The following RBM19 variants were observed in gnomAD, a reference collection of about 807,000 sequenced individuals.
RBM19 encodes the protein probable RNA-binding protein 19.
In RBM19, 94 loss-of-function variants were observed where a neutral mutation model predicts 116.8. The ratio of observed to expected loss-of-function variants is 0.80; its 90% CI spans 0.68 to 0.95. The LOEUF is 0.95. Ranked by LOEUF, RBM19 falls within the 40% of genes least tolerant of loss-of-function variation. RBM19 has a pLI of 0.00. For missense variants in RBM19, 1,161 were observed against 1,220.7 expected (o/e 0.95, Z 0.73); for synonymous variants, 475 against 494.1 (o/e 0.96, Z 0.51).
At chr12:113,831,395 G>A (rs922040309) in intron 23 of RBM19, among the ~76,000 whole-genome samples, 6 of 152,048 alleles carry the variant, frequency 3.9e-5, no homozygotes, top group Non-Finnish European at 5.9e-5. Flanking sequence ...AAATAAAACT[G>A]GCCACCCCCT....
chr12:113,863,691 G>T (rs1374312348), intron 21 of RBM19, among the ~76,000 whole-genome samples: 4 of 152,178 alleles, frequency 2.6e-5, no homozygotes, highest in Non-Finnish European at 5.9e-5. Flanking sequence ...CCAAGGCATT[G>T]TTGAGAAAAG....
chr12:113,902,129 T>TTA (rs554652866), intron 21 of RBM19, among the ~76,000 whole-genome samples: 308 of 152,290 alleles, frequency 2.0e-3, no homozygotes, highest in African/African-American at 7.2e-3. Context: ...TTCACTAGTT[T>TTA]TATATGCGGT....
Position 113,863,286 on chromosome 12 carries a change from G to A in RBM19, c.2559-4390C>T, listed in dbSNP as rs539589620. 1.8e-4 allele frequency among the ~76,000 whole-genome samples: 27 copies of A among 152,118 alleles called. 2 individuals carry two copies. In the South Asian group the frequency reaches 5.0e-3, roughly 28 times the overall value. The stretch of plus-strand genomic sequence containing the variant: ...GATTTCCTCTCTCCGTGCAAATTGC[G>A]TGCCCCCTGACTGGTCTTGCCCCAG... On this transcript the variant is annotated intron_variant, in intron 21 of 23. Transcript: ENST00000261741.
intron 19 of RBM19, 143 bp downstream of exon 19, chr12:113,920,468 G>C: frequency 1.3e-6 from 1 of 765,242 alleles, no homozygotes; most frequent in Non-Finnish European, 2.2e-6. Context: ...TTGGGCCACA[G>C]TCCCGTAGAG....
chr12:113,821,579 A>T (rs1874418151), downstream of RBM19, among the ~76,000 whole-genome samples: 1 of 152,100 alleles, frequency 6.6e-6, no homozygotes, highest in African/African-American at 2.4e-5. Flanking sequence ...CCACATCCAG[A>T]AGGCTGTGGT....
intron 23 of RBM19, among the ~76,000 whole-genome samples, chr12:113,841,127 C>T (rs2135712173): frequency 6.6e-6 from 1 of 152,352 alleles, no homozygotes; most frequent in South Asian, 2.1e-4. Flanking sequence ...GGCTCTGACA[C>T]TCAAGCCCGC....
chr12:113,821,906 G>C (rs1724386526), downstream of RBM19: 1 of 152,218 alleles, frequency 6.6e-6, no homozygotes, highest in African/African-American at 2.4e-5. Flanking sequence ...CCTTGCCTGG[G>C]CTCTGGGCCA....
At chr12:113,819,791 A>G (rs1431531294), downstream of RBM19, among the ~76,000 whole-genome samples, 1 of 152,168 alleles carries the variant, frequency 6.6e-6, no homozygotes, top group Non-Finnish European at 1.5e-5. Flanking sequence ...TCTTCTCCAA[A>G]GGAAGAAGAG....
intron 21 of RBM19, among the ~76,000 whole-genome samples, chr12:113,913,052 A>G (rs1882545580): frequency 6.6e-6 from 1 of 152,198 alleles, no homozygotes; most frequent in Non-Finnish European, 1.5e-5. Context: ...TGTTCAGTGG[A>G]CACTAATTCC....
intron 21 of RBM19, among the ~76,000 whole-genome samples, chr12:113,888,546 C>T (rs1880713163): frequency 2.6e-5 from 4 of 152,116 alleles, no homozygotes; most frequent in Admixed American, 6.5e-5. Context: ...TTTCAAAGCC[C>T]CTTTATGTAC....
At chr12:113,830,574 G>A in intron 23 of RBM19, among the ~76,000 whole-genome samples, 2 of 30,942 alleles carry the variant, frequency 6.5e-5, no homozygotes, top group South Asian at 4.4e-3. Context: ...GGGCTGCGGG[G>A]CGGGGGGGGG....
intron 6 of RBM19, among the ~76,000 whole-genome samples, chr12:113,956,576 CAA>C (rs10592306): frequency 0.015 from 1,022 of 66,152 alleles, 10 homozygotes; most frequent in East Asian, 0.072. Flanking sequence ...AAGACTGTCT[CAA>C]AAAAAAAAAA....
intron 21 of RBM19, among the ~76,000 whole-genome samples, chr12:113,865,320 T>C (rs1455890009): frequency 1.3e-5 from 2 of 152,196 alleles, no homozygotes; most frequent in Non-Finnish European, 2.9e-5. Context: ...AATTCTCAGC[T>C]GAAATGCCAC....
chr12:113,928,625 A>ATGTGTGTGTGTGTGTGTGTGTG (rs57242923), intron 16 of RBM19, among the ~76,000 whole-genome samples: 123 of 120,420 alleles, frequency 1.0e-3, no homozygotes, highest in African/African-American at 2.9e-3. Flanking sequence ...TTAGCAAGGG[A>ATGTGTGTGTGTGTGTGTGTGTG]TGTGTGTGTG....
chr12:113,962,446 C>T, intron 1 of RBM19, 32 bp from the exon 2 acceptor site: 1 of 1,589,984 alleles, frequency 6.3e-7, no homozygotes, highest in South Asian at 1.1e-5. Flanking sequence ...GAGAGACGAA[C>T]TGGAAAGTCC....
intron 21 of RBM19, among the ~76,000 whole-genome samples, chr12:113,878,978 T>C (rs2135784225): frequency 6.6e-6 from 1 of 152,158 alleles, no homozygotes; most frequent in South Asian, 2.1e-4. Flanking sequence ...AGGGGCTGCC[T>C]GTAGGAGGCA....
rs115837794 is a variant in RBM19, at chr12:113,870,254, C to T, written c.2559-11358G>A. ...GCTGCCTGCTGCCTGCTGATGGCCA[C>T]GCCTCCTGAAAAGGCTGGATTCAGG... On this transcript the variant is annotated intron_variant, in intron 21 of 23. Coordinates refer to ENST00000261741, the MANE Select transcript of RBM19 (RefSeq NM_016196.4). 7.2e-3 allele frequency among the ~76,000 whole-genome samples: 1,103 copies of T among 152,336 alleles called. 10 individuals are homozygous for T. The highest frequency in any genetic ancestry group is 0.021 in the African/African-American group (886 of 41,570).
intron 21 of RBM19, among the ~76,000 whole-genome samples, chr12:113,892,861 C>G (rs997447861): frequency 1.3e-5 from 2 of 152,008 alleles, no homozygotes; most frequent in African/African-American, 4.8e-5. Context: ...TATCCGTGTT[C>G]GGTGCAGGTA....
intron 21 of RBM19, among the ~76,000 whole-genome samples, chr12:113,879,953 C>G (rs911659002): frequency 6.6e-6 from 1 of 151,852 alleles, no homozygotes; most frequent in Non-Finnish European, 1.5e-5. Flanking sequence ...TTAGAAGCCC[C>G]TTCTCTGGCA....
Sources: allele counts gnomAD v4.1 joint callset (sites outside exome capture counted in the v4.1 genomes callset), GRCh38; gene constraint gnomAD v4.1.1; transcripts MANE v1.5; gene names NCBI Gene and HGNC (gene_info 2026-07-23, HGNC 2026-07-21).